Variants in NEUROD1 observed in about 807,000 individuals in gnomAD.
NEUROD1 encodes neurogenic differentiation factor 1.
Under a neutral mutation model 21.8 loss-of-function variants are expected in NEUROD1, and 9 were observed. The ratio of observed to expected loss-of-function variants is 0.41; its 90% CI spans 0.25 to 0.72. NEUROD1 has a LOEUF of 0.72. Ranked by LOEUF, NEUROD1 falls within the 30% of genes least tolerant of loss-of-function variation. The pLI is 0.31. For synonymous variants in NEUROD1, 199 were observed against 186.2 expected, an observed-to-expected ratio of 1.07 and a Z score of -0.56; for missense variants, 434 against 468.8, an observed-to-expected ratio of 0.93 and a Z score of 0.69.
Position 181,678,089 on chromosome 2 carries a change from CA to C in NEUROD1, c.771del (p.Phe257LeufsTer5). ...CTGGTGCAATCAGTCAGAGGGCTTT[CA>C]AAGAAGGGCTCCAGCGCTGCGCTGT... ...HAYSAALEPF[F>X]ESPLTDCTSP... is the part of the protein sequence containing the mutation. On this transcript the variant is annotated frameshift_variant, in exon 2 of 2. Coordinates refer to ENST00000295108, the MANE Select transcript of NEUROD1 (RefSeq NM_002500.5). LOFTEE classifies it high-confidence loss of function. The surrounding 1 kb of genome is among the most constrained non-coding windows in gnomAD (Gnocchi z 5.5). The C allele has an allele frequency of 6.2e-7, 1 of 1,614,174 alleles. No homozygotes were observed. Among genetic ancestry groups the C allele is most frequent in the Non-Finnish European group, 8.5e-7 (1 of 1,180,038 alleles).
At chr2:181,671,883 C>G (rs1392973109), downstream of NEUROD1, among the ~76,000 whole-genome samples, 1 of 152,076 alleles carries the variant, frequency 6.6e-6, no homozygotes, top group African/African-American at 2.4e-5. Context: ...ATTGCAATAC[C>G]CCTTCATTGA....
At position 181,677,737 on chromosome 2, in the gene NEUROD1, T is replaced by C; in HGVS notation, c.*53A>G. ...GGGCTGCCTTTTGTAAACACGACAGTCACTGTAAGCACAGTGGGTTCGTTT... is the reference window on the plus strand; with the variant it reads ...GGGCTGCCTTTTGTAAACACGACAGCCACTGTAAGCACAGTGGGTTCGTTT... On this transcript the variant is annotated 3_prime_UTR_variant, in exon 2 of 2. Coordinates refer to ENST00000295108, the MANE Select transcript of NEUROD1 (RefSeq NM_002500.5). The C allele has an allele frequency of 6.2e-7, 1 of 1,613,488 alleles. No homozygotes were observed. Among genetic ancestry groups the C allele is most frequent in the African/African-American group, 1.3e-5 (1 of 75,056 alleles).
chr2:181,675,650 GTTT>G (rs59018409), downstream of NEUROD1, among the ~76,000 whole-genome samples: 1 of 145,154 alleles, frequency 6.9e-6, no homozygotes, highest in African/African-American at 2.5e-5. Context: ...ATGCCAAACT[GTTT>G]TTTTTTTTTT....
rs755645824 is a variant in NEUROD1, at chr2:181,678,108, T to C, written c.753A>G (p.Ala251=). ...HVKPPPHAYS[A]ALEPFFESPL... is the part of the protein sequence containing the mutation. Reference sequence around the variant, plus strand: ...GGCTTTCAAAGAAGGGCTCCAGCGCTGCGCTGTAGGCGTGCGGCGGAGGCT... The same window carrying C: ...GGCTTTCAAAGAAGGGCTCCAGCGCCGCGCTGTAGGCGTGCGGCGGAGGCT... The change falls in exon 2 of 2, where the codon GCA becomes GCG. Residue 251 remains alanine (A), a synonymous_variant. Coordinates refer to ENST00000295108, the MANE Select transcript of NEUROD1 (RefSeq NM_002500.5). This position sits in a 1 kb window ranked among gnomAD's most constrained non-coding sequence, Gnocchi z 5.5. 1 of 1,614,174 alleles carries C rather than the reference T, an allele frequency of 6.2e-7. No homozygotes were observed. Among genetic ancestry groups the C allele is most frequent in the South Asian group, 1.1e-5 (1 of 91,082 alleles).
downstream of NEUROD1, among the ~76,000 whole-genome samples, chr2:181,675,968 C>G (rs1460646315): frequency 1.3e-5 from 2 of 152,058 alleles, no homozygotes; most frequent in Non-Finnish European, 2.9e-5. Context: ...TGGGACAGTA[C>G]TAGTTTGCAA....
Position 181,678,798 on chromosome 2 carries a change from G to A in NEUROD1, c.63C>T (p.Ser21=). The part of the protein sequence containing the change: ...MGEPQPQGPP[S]WTDECLSSQD... The stretch of plus-strand genomic sequence containing the variant: ...GAGAACTGAGACACTCGTCTGTCCA[G>A]CTTGGAGGACCTTGGGGCTGAGGCT... The change falls in exon 2 of 2, where the codon AGC becomes AGT. Residue 21 remains serine (S), a synonymous_variant. Transcript: ENST00000295108. The surrounding 1 kb of genome is among the most constrained non-coding windows in gnomAD (Gnocchi z 5.5). 1 of 1,614,050 alleles carries A rather than the reference G, an allele frequency of 6.2e-7. No homozygotes were observed. The highest frequency in any genetic ancestry group is 8.5e-7 in the Non-Finnish European group (1 of 1,180,008).
At position 181,677,641 on chromosome 2, in the gene NEUROD1, C is replaced by T. The variant is rs1349479436; in HGVS notation, c.*149G>A. ...TTTGATCCCCTGTTTCTTCCAAAGG[C>T]AGTAATGACAATAAATACATATATC... On this transcript the variant is annotated 3_prime_UTR_variant, in exon 2 of 2. Coordinates refer to ENST00000295108, the MANE Select transcript of NEUROD1 (RefSeq NM_002500.5). 1.4e-6 allele frequency: 2 copies of T among 1,392,198 alleles called. No homozygotes were observed. The highest frequency in any genetic ancestry group is 2.0e-6 in the Non-Finnish European group (2 of 1,013,058). 86.2% of individuals were successfully genotyped at this position (1,392,198 alleles called of 1,614,324 possible).
chr2:181,673,549 T>A (rs533687232), downstream of NEUROD1: 1 of 152,322 alleles, frequency 6.6e-6, no homozygotes, highest in South Asian at 2.1e-4. Flanking sequence ...CATCAGACCC[T>A]GGAATTAAAT....
At position 181,677,380 on chromosome 2, in the gene NEUROD1, G is replaced by A. The variant is rs530863844; in HGVS notation, c.*410C>T. ...TAATTCAGCATGGGAAAGGTAACAAGTAGTAAAATGCTGGTTGAAAAATAT... is the reference window on the plus strand; with the variant it reads ...TAATTCAGCATGGGAAAGGTAACAAATAGTAAAATGCTGGTTGAAAAATAT... On this transcript the variant is annotated 3_prime_UTR_variant, in exon 2 of 2. Coordinates refer to ENST00000295108, the MANE Select transcript of NEUROD1 (RefSeq NM_002500.5). 4.6e-5 allele frequency: 7 copies of A among 153,560 alleles called. No homozygotes were observed. The highest frequency in any genetic ancestry group is 4.0e-4 in the South Asian group (2 of 4,998). The allele number at this position is 153,560 out of a possible 1,614,324, so 9.5% of individuals were successfully genotyped here.
chr2:181,669,413 A>G (rs1461202281), downstream of NEUROD1, among the ~76,000 whole-genome samples: 1 of 152,038 alleles, frequency 6.6e-6, no homozygotes, highest in Non-Finnish European at 1.5e-5. Context: ...ACCCTACTCT[A>G]ATTCTCCCCT....
Position 181,678,084 on chromosome 2 carries a change from G to T in NEUROD1, c.777C>A (p.Ser259Arg). ...YSAALEPFFESPLTDCTSPSF... is the reference protein window; with the variant it reads ...YSAALEPFFERPLTDCTSPSF... ...AAGGGCTGGTGCAATCAGTCAGAGG[G>T]CTTTCAAAGAAGGGCTCCAGCGCTG... The change falls in exon 2 of 2, where the codon AGC becomes AGA. Residue 259 changes from serine (S) to arginine (R), a missense_variant. Physicochemically the swap from Ser to Arg is moderately radical, Grantham distance 110. Coordinates refer to ENST00000295108, the MANE Select transcript of NEUROD1 (RefSeq NM_002500.5). This position sits in a 1 kb window ranked among gnomAD's most constrained non-coding sequence, Gnocchi z 5.5. 1 of 1,614,212 alleles carries T rather than the reference G, an allele frequency of 6.2e-7. No homozygotes were observed. The highest frequency in any genetic ancestry group is 8.5e-7 in the Non-Finnish European group (1 of 1,180,046).
chr2:181,677,585 A>G lies in NEUROD1; in HGVS notation c.*205T>C. 2 of 838,854 alleles carry G rather than the reference A, an allele frequency of 2.4e-6. No homozygotes were observed. The highest frequency in any genetic ancestry group is 1.7e-5 in the South Asian group (1 of 57,416). The allele number at this position is 838,854 out of a possible 1,614,324, so 52.0% of individuals were successfully genotyped here. ...TTTTTATTTTTTAAATAGAAGAGCT[A>G]TAGAAAATAATACATAAGGTGAACA... On this transcript the variant is annotated 3_prime_UTR_variant, in exon 2 of 2. Coordinates refer to ENST00000295108, the MANE Select transcript of NEUROD1 (RefSeq NM_002500.5).
chr2:181,677,803 A>C lies in NEUROD1; in HGVS notation c.1058T>G (p.Ile353Arg), dbSNP rs1396744784. 6.2e-7 allele frequency: 1 copy of C among 1,614,122 alleles called. No homozygotes were observed. Among genetic ancestry groups the C allele is most frequent in the South Asian group, 1.1e-5 (1 of 91,062 alleles). ...ERVMSAQLNA[I>R]FHD ...ACTGGCGTGCCTCTAATCATGAAAT[A>C]TGGCATTGAGCTGGGCACTCATGAC... Residue 353 changes from isoleucine to arginine, a missense_variant, in exon 2 of 2, where the codon ATA becomes AGA. By Grantham distance (97) the Ile-to-Arg change is moderately conservative (BLOSUM62 -3). Transcript: ENST00000295108.
At chr2:181,669,739 A>G (rs960475006), downstream of NEUROD1, among the ~76,000 whole-genome samples, 20 of 152,342 alleles carry the variant, frequency 1.3e-4, no homozygotes, top group East Asian at 3.9e-3. Flanking sequence ...GAAAGTACCA[A>G]CTATCCCAAA....
At chr2:181,675,052 G>T (rs542786535), downstream of NEUROD1, among the ~76,000 whole-genome samples, 1 of 152,318 alleles carries the variant, frequency 6.6e-6, no homozygotes, top group African/African-American at 2.4e-5. Flanking sequence ...TACACTGGAA[G>T]GCTGGTAGTA....
downstream of NEUROD1, among the ~76,000 whole-genome samples, chr2:181,670,030 A>T (rs566532766): frequency 5.9e-5 from 9 of 152,318 alleles, no homozygotes; most frequent in Non-Finnish European, 7.4e-5. Flanking sequence ...GAATTTTTTT[A>T]AAATTATGTA....
chr2:181,670,408 C>T (rs1688481791), exon 2 of NEUROD1, among the ~76,000 whole-genome samples: 1 of 152,108 alleles, frequency 6.6e-6, no homozygotes, highest in African/African-American at 2.4e-5. Flanking sequence ...ACTACGTATA[C>T]TGGTTGTTAT....
At chr2:181,673,725 G>A (rs974543681), downstream of NEUROD1, among the ~76,000 whole-genome samples, 1 of 152,106 alleles carries the variant, frequency 6.6e-6, no homozygotes, top group Non-Finnish European at 1.5e-5. Flanking sequence ...TGCTTAATAG[G>A]TATTTTCACT....
rs1217558991 is a variant in NEUROD1 at position 181,678,516 on chromosome 2, G to C, written c.345C>G (p.His115Gln). Reference protein sequence around the residue: ...KANARERNRMHGLNAALDNLR... With the variant: ...KANARERNRMQGLNAALDNLR... ...GGTTGTCTAGCGCCGCGTTCAGTCC[G>C]TGCATGCGGTTCCGCTCCCGGGCGT... Residue 115 changes from histidine to glutamine, a missense_variant, in exon 2 of 2, where the codon CAC (histidine) becomes CAG (glutamine). Transcript: ENST00000295108. This position sits in a 1 kb window ranked among gnomAD's most constrained non-coding sequence, Gnocchi z 5.5. 2.5e-6 allele frequency: 4 copies of C among 1,614,236 alleles called. No homozygotes were observed. In the Admixed American group the frequency reaches 6.7e-5, roughly 27 times the overall value.
Sources: gnomAD v4.1 joint callset for allele counts (sites outside exome capture counted in the v4.1 genomes callset) on GRCh38, gnomAD v4.1.1 for gene constraint, Gnocchi (gnomAD v3.1) non-coding constraint, MANE v1.5 for transcripts, NCBI Gene and HGNC (gene_info 2026-07-23, HGNC 2026-07-21) for gene names.